The following EPM2A variants were observed in gnomAD, a reference collection of about 807,000 sequenced individuals.
EPM2A encodes laforin.
EPM2A carries 21 observed loss-of-function variants against 26.5 expected under a neutral mutation model. The observed-to-expected ratio is 0.79, with a 90% confidence interval of 0.56 to 1.14. The LOEUF is 1.14. Ranked by LOEUF, EPM2A falls within the 50% of genes most tolerant of loss-of-function variation. The probability of loss-of-function intolerance (pLI) is 0.00; values close to 1 mark genes in which losing one functional copy is unlikely to be tolerated. For synonymous variants in EPM2A, 217 were observed against 177.6 expected (o/e 1.22, Z -1.76); for missense variants, 458 against 440.8 (o/e 1.04, Z -0.35).
intron 4 of EPM2A, among the ~76,000 whole-genome samples, chr6:145,486,827 A>G (rs1268798577): frequency 2.0e-5 from 3 of 152,130 alleles, no homozygotes; most frequent in African/African-American, 7.2e-5. Context: ...ACATATGTAT[A>G]AGAGTTTATT....
intron 2 of EPM2A, among the ~76,000 whole-genome samples, chr6:145,592,496 C>G (rs1781288195): frequency 6.6e-6 from 1 of 152,122 alleles, no homozygotes; most frequent in Non-Finnish European, 1.5e-5. Flanking sequence ...TTTATAGCAG[C>G]ATGATTTATA....
intron 2 of EPM2A, among the ~76,000 whole-genome samples, chr6:145,652,348 G>T (rs1233359180): frequency 6.6e-6 from 1 of 151,884 alleles, no homozygotes; most frequent in African/African-American, 2.4e-5. Flanking sequence ...GTTGTTAATG[G>T]GATTCTAATT....
intron 4 of EPM2A, among the ~76,000 whole-genome samples, chr6:145,433,026 G>C (rs1019632696): frequency 1.3e-5 from 2 of 152,114 alleles, no homozygotes; most frequent in Non-Finnish European, 2.9e-5. Flanking sequence ...TTAGGGCCTT[G>C]ATCTGGATTA....
intron 4 of EPM2A, among the ~76,000 whole-genome samples, chr6:145,488,690 T>G (rs546793706): frequency 7.4e-4 from 113 of 151,890 alleles, no homozygotes; most frequent in African/African-American, 2.6e-3. Flanking sequence ...AAGATTCCAT[T>G]AAAAAAAAGC....
chr6:145,420,430 T>C (rs1487250059), intron 4 of EPM2A, among the ~76,000 whole-genome samples: 2 of 152,224 alleles, frequency 1.3e-5, no homozygotes, highest in Admixed American at 1.3e-4. Context: ...CATATAATTA[T>C]GGATGTAACT....
At chr6:145,400,750 C>T (rs1778473265) in intron 4 of EPM2A, among the ~76,000 whole-genome samples, 1 of 152,138 alleles carries the variant, frequency 6.6e-6, no homozygotes, top group South Asian at 2.1e-4. Context: ...TTCATAGCTC[C>T]TCCTATAACC....
At chr6:145,471,322 C>A (rs996631864) in intron 4 of EPM2A, among the ~76,000 whole-genome samples, 1 of 151,912 alleles carries the variant, frequency 6.6e-6, no homozygotes, top group African/African-American at 2.4e-5. Flanking sequence ...AATCATTGGC[C>A]TCAGTTGAGA....
At chr6:145,417,789 A>G (rs935072914) in intron 4 of EPM2A, among the ~76,000 whole-genome samples, 6 of 151,396 alleles carry the variant, frequency 4.0e-5, no homozygotes, top group Non-Finnish European at 5.9e-5. Context: ...TGAATCGTGA[A>G]TGCAGAAAGT....
At chr6:145,488,270 T>C (rs1779703700) in intron 4 of EPM2A, among the ~76,000 whole-genome samples, 1 of 152,146 alleles carries the variant, frequency 6.6e-6, no homozygotes, top group Non-Finnish European at 1.5e-5. Flanking sequence ...AGCTTTGTTC[T>C]TTTTAGTTAG....
chr6:145,472,448 C>A (rs563308457), intron 4 of EPM2A, among the ~76,000 whole-genome samples: 3 of 132,720 alleles, frequency 2.3e-5, no homozygotes, highest in Non-Finnish European at 4.4e-5. Context: ...GGGTAGAGTA[C>A]CAAGCAGGGT....
At chr6:145,645,961 A>T (rs1447251669) in intron 2 of EPM2A, among the ~76,000 whole-genome samples, 2 of 152,130 alleles carry the variant, frequency 1.3e-5, no homozygotes, top group African/African-American at 2.4e-5. Flanking sequence ...TGGAAACCTC[A>T]TCTAAGCTTG....
chr6:145,692,662 T>C (rs1301888254), intron 1 of EPM2A, among the ~76,000 whole-genome samples: 1 of 152,102 alleles, frequency 6.6e-6, no homozygotes, highest in African/African-American at 2.4e-5. Context: ...CCAGCACTAT[T>C]TATTGAATAG....
chr6:145,451,150 T>C (rs1358442636), intron 4 of EPM2A, among the ~76,000 whole-genome samples: 1 of 152,226 alleles, frequency 6.6e-6, no homozygotes, highest in African/African-American at 2.4e-5. Context: ...TGTGCCACCA[T>C]TAACTTCACA....
chr6:145,639,870 A>G (rs1446725555), intron 2 of EPM2A: 2 of 152,206 alleles, frequency 1.3e-5, no homozygotes, highest in Non-Finnish European at 2.9e-5. Context: ...AAAATTATTA[A>G]CTAGGGTTTT....
intron 1 of EPM2A, among the ~76,000 whole-genome samples, chr6:145,711,466 G>A (rs1775319007): frequency 6.6e-6 from 1 of 152,080 alleles, no homozygotes; most frequent in Non-Finnish European, 1.5e-5. Context: ...ACTACTTATA[G>A]GACTCCCAGA....
At chr6:145,441,430 G>A (rs61321265) in intron 4 of EPM2A, among the ~76,000 whole-genome samples, 8,026 of 152,216 alleles carry the variant, frequency 0.053, 718 homozygotes, top group African/African-American at 0.18. Flanking sequence ...CCATTGTCTT[G>A]GTGATTAACA....
intron 4 of EPM2A, among the ~76,000 whole-genome samples, chr6:145,453,501 CCAAA>C (rs1480081918): frequency 1.3e-5 from 2 of 151,366 alleles, no homozygotes; most frequent in Admixed American, 1.3e-4. Flanking sequence ...GAAAAAAAAA[CCAAA>C]CAAACAAAAA....
intron 2 of EPM2A, among the ~76,000 whole-genome samples, chr6:145,593,635 G>A (rs1781303716): frequency 6.6e-6 from 1 of 151,856 alleles, no homozygotes; most frequent in African/African-American, 2.4e-5. Context: ...ACAGAGCTTG[G>A]AATTCCCAAA....
intron 2 of EPM2A, among the ~76,000 whole-genome samples, chr6:145,569,076 C>T (rs559097668): frequency 3.2e-4 from 48 of 152,290 alleles, no homozygotes; most frequent in Admixed American, 3.3e-4. Flanking sequence ...AAAATTCACA[C>T]CACTTTAAAC....
Sources: gnomAD v4.1 joint callset for allele counts (sites outside exome capture counted in the v4.1 genomes callset) on GRCh38, gnomAD v4.1.1 for gene constraint, MANE v1.5 for transcripts, NCBI Gene and HGNC (gene_info 2026-07-23, HGNC 2026-07-21) for gene names.